GARIN5B: variants seen among roughly 807,000 people sequenced by gnomAD.
The protein encoded by GARIN5B is golgi associated RAB2 interactor family member 5B.
chr19:55,362,783 A>G, the GARIN5B span: 469 of 1,500,420 alleles, frequency 3.1e-4, 1 homozygote, highest in Non-Finnish European at 3.9e-4. Flanking sequence ...TCCAGCAGCC[A>G]CAGCCTGAGC....
chr19:55,361,098 G>A, the GARIN5B span: 1 of 1,551,290 alleles, frequency 6.4e-7, no homozygotes, highest in Non-Finnish European at 8.7e-7. Flanking sequence ...AACTGCGCTT[G>A]AGCGCCTGGA....
chr19:55,362,140 A>C, the GARIN5B span: 1 of 1,398,458 alleles, frequency 7.2e-7, no homozygotes, highest in Non-Finnish European at 9.4e-7. Flanking sequence ...TCAGGGGTCC[A>C]GGCCCCCGGC....
chr19:55,363,213 A>C, the GARIN5B span: 1 of 826,898 alleles, frequency 1.2e-6, no homozygotes, highest in South Asian at 3.1e-5. This position sits in a 1 kb window ranked among gnomAD's most constrained non-coding sequence, Gnocchi z 4.0. Flanking sequence ...CCAGGCTGGG[A>C]GACTCGGGCC....
At chr19:55,359,872 G>A in the GARIN5B span, 1 of 1,551,536 alleles carries the variant, frequency 6.4e-7, no homozygotes, top group Middle Eastern at 1.7e-4. Context: ...CCAGGGAGCT[G>A]CAGGAGCCCA....
At chr19:55,359,263 T>G in the GARIN5B span, 1 of 1,543,850 alleles carries the variant, frequency 6.5e-7, no homozygotes, top group Non-Finnish European at 8.7e-7. Flanking sequence ...CCTTCTGGGA[T>G]GGGGCAGGGA....
chr19:55,359,651 A>C, the GARIN5B span: 1 of 1,551,618 alleles, frequency 6.4e-7, no homozygotes, highest in South Asian at 1.2e-5. Context: ...AGATGTGACA[A>C]GGCCAGATGG....
the GARIN5B span, chr19:55,362,132 A>G: frequency 7.4e-7 from 1 of 1,343,282 alleles, no homozygotes; most frequent in Non-Finnish European, 9.8e-7. Context: ...CCCTCTACTC[A>G]GGGGTCCAGG....
the GARIN5B span, chr19:55,362,527 C>T: frequency 6.7e-7 from 1 of 1,489,866 alleles, no homozygotes. Flanking sequence ...AGGGGAGCGT[C>T]TAGAGCAGGA....
At chr19:55,359,737 G>A in the GARIN5B span, 1 of 1,551,408 alleles carries the variant, frequency 6.4e-7, no homozygotes, top group Non-Finnish European at 8.7e-7. Context: ...CCCTGGGGAT[G>A]GAAGAGTAGG....
the GARIN5B span, chr19:55,363,022 G>A: frequency 6.7e-7 from 1 of 1,495,396 alleles, no homozygotes; most frequent in Non-Finnish European, 8.9e-7. The surrounding 1 kb of genome is among the most constrained non-coding windows in gnomAD (Gnocchi z 4.0). Context: ...ACTTCGGGGT[G>A]CCCTGGAGCG....
At chr19:55,360,043 G>C in the GARIN5B span, 306 of 1,464,040 alleles carry the variant, frequency 2.1e-4, no homozygotes, top group Non-Finnish European at 2.6e-4. Context: ...GACCCGGGAG[G>C]GCAGACCCCT....
At chr19:55,361,264 T>G in the GARIN5B span, 1 of 1,550,098 alleles carries the variant, frequency 6.5e-7, no homozygotes, top group Admixed American at 2.0e-5. Flanking sequence ...ACATCCTGGG[T>G]CAGGGACCCC....
the GARIN5B span, among the ~76,000 whole-genome samples, chr19:55,361,843 GGA>G: frequency 3.6e-4 from 26 of 71,758 alleles, no homozygotes; most frequent in African/African-American, 1.7e-3. Context: ...CTCAGACCCA[GGA>G]GAGTTCAGAC....
Sources: gnomAD v4.1 joint callset for allele counts (sites outside exome capture counted in the v4.1 genomes callset) on GRCh38, gnomAD v4.1.1 for gene constraint, Gnocchi (gnomAD v3.1) non-coding constraint, MANE v1.5 for transcripts, NCBI Gene and HGNC (gene_info 2026-07-23, HGNC 2026-07-21) for gene names.